Variants in PPP3CA observed in about 807,000 individuals in gnomAD.
PPP3CA encodes protein phosphatase 3 catalytic subunit alpha.
A neutral mutation model predicts 66.5 loss-of-function variants in PPP3CA; 14 were observed. The ratio of observed to expected loss-of-function variants is 0.21; its 90% CI spans 0.14 to 0.33. PPP3CA has a LOEUF of 0.33. Among genes scored for constraint, PPP3CA ranks in the 10% least tolerant of loss-of-function variants. PPP3CA has a pLI of 1.00. For synonymous variants in PPP3CA, 232 were observed against 226.2 expected, an observed-to-expected ratio of 1.03 and a Z score of -0.23; for missense variants, 317 against 639.5, an observed-to-expected ratio of 0.50 and a Z score of 5.44.
chr4:101,136,193 T>C (rs908527212), intron 2 of PPP3CA, among the ~76,000 whole-genome samples: 1 of 152,212 alleles, frequency 6.6e-6, no homozygotes, highest in East Asian at 1.9e-4. Flanking sequence ...CCATTGACTT[T>C]GGCTCATCAG....
chr4:101,027,966 A>T (rs1450754922), intron 13 of PPP3CA, among the ~76,000 whole-genome samples: 1 of 152,184 alleles, frequency 6.6e-6, no homozygotes, highest in Non-Finnish European at 1.5e-5. Flanking sequence ...CAGCCAAACT[A>T]TCAACAAGAA....
At chr4:101,233,540 G>A (rs1453570694) in intron 1 of PPP3CA, among the ~76,000 whole-genome samples, 7 of 151,570 alleles carry the variant, frequency 4.6e-5, no homozygotes, top group Non-Finnish European at 1.0e-4. Context: ...CCTTAAAATG[G>A]TTTTGATAAT....
chr4:101,235,338 T>C (rs1237543301), intron 1 of PPP3CA, among the ~76,000 whole-genome samples: 1 of 151,794 alleles, frequency 6.6e-6, no homozygotes, highest in African/African-American at 2.4e-5. Context: ...CCACTCTTCC[T>C]GCCAACTAGT....
intron 1 of PPP3CA, among the ~76,000 whole-genome samples, chr4:101,307,762 C>A (rs952005293): frequency 1.3e-5 from 2 of 152,168 alleles, no homozygotes; most frequent in Admixed American, 1.3e-4. Context: ...CTTCCTCCAG[C>A]GCGAATACCA....
At chr4:101,209,664 T>C (rs927973479) in intron 1 of PPP3CA, among the ~76,000 whole-genome samples, 5 of 152,130 alleles carry the variant, frequency 3.3e-5, no homozygotes, top group Admixed American at 2.0e-4. Flanking sequence ...TGAATAGACA[T>C]AGAATGATGT....
intron 1 of PPP3CA, among the ~76,000 whole-genome samples, chr4:101,232,927 T>C (rs1186259718): frequency 6.6e-6 from 1 of 151,702 alleles, no homozygotes; most frequent in East Asian, 1.9e-4. Context: ...ACCATACAGA[T>C]TTACTAGTAT....
At position 101,025,345 on chromosome 4, in the gene PPP3CA, C is replaced by T. The variant is rs1726582348; in HGVS notation, c.*520G>A. ...AAGACTGCCTAATTCAGTTTATAGC[C>T]ATTGTCTGACAAGAGTAGCAAAACA... On this transcript the variant is annotated 3_prime_UTR_variant, in exon 14 of 14. Coordinates refer to ENST00000394854, the MANE Select transcript of PPP3CA (RefSeq NM_000944.5). The T allele has an allele frequency of 6.7e-6, 1 of 149,018 alleles. No individual in the cohort carries two copies. The highest frequency in any genetic ancestry group is 2.5e-5 in the African/African-American group (1 of 40,136). The allele number at this position is 149,018 out of a possible 1,614,324, so 9.2% of individuals were successfully genotyped here.
chr4:101,336,849 G>A (rs1273864921), intron 1 of PPP3CA, among the ~76,000 whole-genome samples: 1 of 152,186 alleles, frequency 6.6e-6, no homozygotes, highest in Non-Finnish European at 1.5e-5. Flanking sequence ...AGGCTGGAGA[G>A]GGAGTTCCAC....
intron 1 of PPP3CA, among the ~76,000 whole-genome samples, chr4:101,235,335 TC>T (rs1382758904): frequency 2.6e-5 from 4 of 151,668 alleles, no homozygotes; most frequent in African/African-American, 9.7e-5. Flanking sequence ...TGCCCACTCT[TC>T]CTGCCAACTA....
Position 101,196,927 on chromosome 4 carries a change from T to C in PPP3CA, c.59-811A>G, listed in dbSNP as rs185626286. Among the ~76,000 whole-genome samples the C allele has an allele frequency of 3.3e-5, 5 of 152,320 alleles. No homozygotes were observed. The East Asian group carries it at 9.6e-4, about 29-fold the overall frequency. On this transcript the variant is annotated intron_variant, in intron 1 of 13. Coordinates refer to ENST00000394854, the MANE Select transcript of PPP3CA (RefSeq NM_000944.5). ...ACTCATTCCGCCAGAGGACATTCAC[T>C]AAACTCCTCTAGCTTGCCCTGCATC...
chr4:101,231,130 C>T (rs1725947605), intron 1 of PPP3CA, among the ~76,000 whole-genome samples: 1 of 151,682 alleles, frequency 6.6e-6, no homozygotes, highest in African/African-American at 2.4e-5. Context: ...TTCCCACCTC[C>T]ACTTGCTCTT....
intron 8 of PPP3CA, among the ~76,000 whole-genome samples, chr4:101,075,460 T>G (rs1219770412): frequency 6.6e-6 from 1 of 152,230 alleles, no homozygotes; most frequent in Non-Finnish European, 1.5e-5. Flanking sequence ...TTTATATTTC[T>G]CTACATATGT....
chr4:101,103,039 C>T (rs993480035), intron 3 of PPP3CA, among the ~76,000 whole-genome samples: 9 of 152,184 alleles, frequency 5.9e-5, no homozygotes, highest in Non-Finnish European at 1.2e-4. Context: ...ACAGACATAG[C>T]TTTCTCCTGT....
At chr4:101,188,086 C>T (rs1340948073) in intron 2 of PPP3CA, among the ~76,000 whole-genome samples, 2 of 152,012 alleles carry the variant, frequency 1.3e-5, no homozygotes, top group Non-Finnish European at 2.9e-5. Context: ...ATTCAGAGAT[C>T]GTGAGAGTTA....
chr4:101,214,029 A>G (rs1211252959), intron 1 of PPP3CA, among the ~76,000 whole-genome samples: 2 of 152,106 alleles, frequency 1.3e-5, no homozygotes, highest in Non-Finnish European at 2.9e-5. Flanking sequence ...GACATTCTCA[A>G]TCTGTACTCA....
chr4:101,199,508 A>C (rs1034850120), intron 1 of PPP3CA, among the ~76,000 whole-genome samples: 1 of 152,172 alleles, frequency 6.6e-6, no homozygotes, highest in Non-Finnish European at 1.5e-5. Flanking sequence ...TAGTGCTAAG[A>C]CTTCTTAGAA....
At chr4:101,273,892 T>C (rs1021316210) in intron 1 of PPP3CA, among the ~76,000 whole-genome samples, 2 of 151,686 alleles carry the variant, frequency 1.3e-5, no homozygotes, top group African/African-American at 2.4e-5. Context: ...CAAGAAGCAA[T>C]AGCAATTGGT....
chr4:101,151,459 T>C (rs1452565034), intron 2 of PPP3CA, among the ~76,000 whole-genome samples: 22 of 150,864 alleles, frequency 1.5e-4, no homozygotes, highest in Non-Finnish European at 1.2e-4. Context: ...ACTCTGAAGG[T>C]TGAGGCAGAG....
intron 11 of PPP3CA, among the ~76,000 whole-genome samples, chr4:101,037,251 T>G (rs1251358231): frequency 2.0e-5 from 3 of 152,196 alleles, no homozygotes; most frequent in Non-Finnish European, 4.4e-5. Flanking sequence ...GGACAATTGT[T>G]GTCCTGCCTT....
Sources: gnomAD v4.1 joint callset for allele counts (sites outside exome capture counted in the v4.1 genomes callset) on GRCh38, gnomAD v4.1.1 for gene constraint, MANE v1.5 for transcripts, NCBI Gene and HGNC (gene_info 2026-07-23, HGNC 2026-07-21) for gene names.